The following VDAC2 variants were observed in gnomAD, a reference collection of about 807,000 sequenced individuals.
The protein encoded by VDAC2 is non-selective voltage-gated ion channel VDAC2.
VDAC2 carries 6 observed loss-of-function variants against 36.6 expected under a neutral mutation model. The ratio of observed to expected loss-of-function variants is 0.16; its 90% CI spans 0.09 to 0.32. The LOEUF (loss-of-function observed/expected upper bound fraction) is 0.32. Among genes scored for constraint, VDAC2 ranks in the 10% least tolerant of loss-of-function variants. The pLI is 1.00. For missense variants in VDAC2, 247 were observed against 346.0 expected, an observed-to-expected ratio of 0.71 and a Z score of 2.27; for synonymous variants, 109 against 123.8, an observed-to-expected ratio of 0.88 and a Z score of 0.79.
intron 7 of VDAC2, 135 bp from the exon 8 acceptor site, chr10:75,222,117 G>A: frequency 3.2e-6 from 3 of 928,882 alleles, no homozygotes; most frequent in Non-Finnish European, 4.7e-6. Flanking sequence ...GTTAAAACTT[G>A]CAAGTTTTCA....
Position 75,220,848 on chromosome 10 carries a change from C to G in VDAC2, c.462C>G (p.Val154=). 1.2e-6 allele frequency: 2 copies of G among 1,613,678 alleles called. No homozygotes were observed. The highest frequency in any genetic ancestry group is 1.7e-6 in the Non-Finnish European group (2 of 1,179,654). The part of the protein sequence containing the change: ...FAGPAIHGSA[V]FGYEGWLAGY... ...GACCTGCAATCCATGGTTCAGCTGT[C>G]TTTGGTTATGAGGGCTGGCTTGCTG... Residue 154 remains valine (V), a synonymous_variant, in exon 7 of 10, where the codon GTC becomes GTG. Transcript: ENST00000332211.
At chr10:75,228,751 T>C (rs1842028571) in intron 8 of VDAC2, among the ~76,000 whole-genome samples, 1 of 152,222 alleles carries the variant, frequency 6.6e-6, no homozygotes, top group Non-Finnish European at 1.5e-5. Context: ...ACATAGTCTG[T>C]TTGTTACCTT....
chr10:75,227,339 G>A (rs963225577), intron 8 of VDAC2, among the ~76,000 whole-genome samples: 32 of 152,230 alleles, frequency 2.1e-4, no homozygotes, highest in African/African-American at 7.7e-4. Flanking sequence ...GAAAATGAGG[G>A]CGGGGCAGTT....
chr10:75,218,955 A>G (rs1841703697), intron 4 of VDAC2, 108 bp from the exon 5 acceptor site: 1 of 1,119,988 alleles, frequency 8.9e-7, no homozygotes, highest in African/African-American at 1.6e-5. Context: ...AAAAGGATTC[A>G]TGAATTTACC....
chr10:75,218,553 G>A (rs1841681830), intron 4 of VDAC2, among the ~76,000 whole-genome samples: 2 of 152,282 alleles, frequency 1.3e-5, no homozygotes, highest in South Asian at 2.1e-4. Context: ...CCTGAGGTCA[G>A]GAGTTGGAGA....
chr10:75,222,874 C>T (rs1338248692), intron 8 of VDAC2, among the ~76,000 whole-genome samples: 1 of 151,842 alleles, frequency 6.6e-6, no homozygotes, highest in African/African-American at 2.4e-5. Flanking sequence ...ATATGTTGCC[C>T]ATCCTAGGCT....
chr10:75,219,784 CT>C (rs568009672), intron 6 of VDAC2, among the ~76,000 whole-genome samples: 8,565 of 138,780 alleles, frequency 0.062, 344 homozygotes, highest in African/African-American at 0.12. Flanking sequence ...CACGCCCAGC[CT>C]TTTTTTTTTT....
intron 6 of VDAC2, 147 bp from the exon 7 acceptor site, chr10:75,220,596 A>G (rs1841783130): frequency 4.6e-6 from 3 of 657,286 alleles, no homozygotes; most frequent in Non-Finnish European, 7.9e-6. Context: ...CTTGTAGTTC[A>G]TTGAGCTGAC....
At position 75,219,341 on chromosome 10, in the gene VDAC2, T is replaced by C; in HGVS notation, c.341T>C (p.Phe114Ser). 1 of 1,600,372 alleles carries C rather than the reference T, an allele frequency of 6.2e-7. No homozygotes were observed. Among genetic ancestry groups the C allele is most frequent in the African/African-American group, 1.3e-5 (1 of 74,830 alleles). The change falls in exon 6 of 10, where the codon TTC (phenylalanine) becomes TCC (serine). Residue 114 changes from phenylalanine to serine, a missense_variant. Physicochemically the swap from Phe to Ser is radical, Grantham distance 155 (BLOSUM62 -2). Transcript: ENST00000332211. ...QGLKLTFDTT[F>S]SPNTGKKSGK... ...TTGAAACTGACATTTGATACTACCT[T>C]CTCACCAAACACAGGGTAAGCACAG...
intron 3 of VDAC2, among the ~76,000 whole-genome samples, chr10:75,213,165 G>C (rs1331298631): frequency 6.6e-6 from 1 of 151,956 alleles, no homozygotes; most frequent in Non-Finnish European, 1.5e-5. Flanking sequence ...TGCAGCCTCT[G>C]CCTCCTGGGT....
chr10:75,211,485 C>A, intron 2 of VDAC2: 1 of 1,525,960 alleles, frequency 6.6e-7, no homozygotes, highest in East Asian at 2.5e-5. Flanking sequence ...TTTGGAGGAT[C>A]GGATCAATCA....
chr10:75,224,876 C>T (rs1248757078), intron 8 of VDAC2, among the ~76,000 whole-genome samples: 1 of 152,110 alleles, frequency 6.6e-6, no homozygotes, highest in Non-Finnish European at 1.5e-5. Flanking sequence ...TCTGAAATTG[C>T]CTGGGGCAGT....
chr10:75,219,966 C>CA (rs1294732078), intron 6 of VDAC2, among the ~76,000 whole-genome samples: 7 of 110,104 alleles, frequency 6.4e-5, no homozygotes, highest in African/African-American at 2.4e-4. Flanking sequence ...TAGCTGGGAT[C>CA]ACAGGCATGT....
chr10:75,212,785 A>G (rs1384161863), intron 3 of VDAC2, among the ~76,000 whole-genome samples: 1 of 152,050 alleles, frequency 6.6e-6, no homozygotes, highest in Admixed American at 6.6e-5. Flanking sequence ...CCCTCCCCCA[A>G]TTTCCCAAAA....
intron 4 of VDAC2, among the ~76,000 whole-genome samples, chr10:75,215,337 A>G (rs983612254): frequency 1.3e-5 from 2 of 151,860 alleles, no homozygotes; most frequent in Admixed American, 6.6e-5. Context: ...ATGTATGTAT[A>G]TATATAGAGA....
In VDAC2 at chr10:75,227,576, A is replaced by AGTTTTTTTTTTTTTTTTT. The variant is rs1841989654; in HGVS notation, c.736-2068_736-2067insGTTTTTTTTTTTTTTTTT. On this transcript the variant is annotated intron_variant, in intron 8 of 9. Coordinates refer to ENST00000332211, the MANE Select transcript of VDAC2 (RefSeq NM_001391963.1). ...TTAACTCTTACTGTTAAATAATAGG[A>AGTTTTTTTTTTTTTTTTT]ATTTTTTTTTTTTTTTTTTTTTGGA... Among the ~76,000 whole-genome samples the AGTTTTTTTTTTTTTTTTT allele has an allele frequency of 4.4e-5, 4 of 90,768 alleles. 1 individual carries two copies. The highest frequency in any genetic ancestry group is 2.1e-4 in the African/African-American group (4 of 18,620). The allele number at this position is 90,768 out of a possible 152,430, so 59.5% of individuals were successfully genotyped here.
chr10:75,212,954 C>T (rs1485347992), intron 3 of VDAC2, among the ~76,000 whole-genome samples: 1 of 152,050 alleles, frequency 6.6e-6, no homozygotes, highest in African/African-American at 2.4e-5. Flanking sequence ...GAGTTATGAG[C>T]TTTTTCAGGT....
chr10:75,211,767 C>T, intron 2 of VDAC2: 1 of 1,338,492 alleles, frequency 7.5e-7, no homozygotes, highest in Non-Finnish European at 1.0e-6. Flanking sequence ...GTATTAAATT[C>T]TCTTCCCACT....
intron 8 of VDAC2, among the ~76,000 whole-genome samples, chr10:75,228,626 T>C (rs969325237): frequency 6.6e-6 from 1 of 152,224 alleles, no homozygotes; most frequent in African/African-American, 2.4e-5. Flanking sequence ...TACAGGTGTT[T>C]TGGATGTGGT....
Sources: allele counts gnomAD v4.1 joint callset (sites outside exome capture counted in the v4.1 genomes callset), GRCh38; gene constraint gnomAD v4.1.1; transcripts MANE v1.5; gene names NCBI Gene and HGNC (gene_info 2026-07-23, HGNC 2026-07-21).